Variants in DPP10 observed in about 807,000 individuals in gnomAD.
DPP10 encodes dipeptidyl peptidase like 10.
DPP10 carries 33 observed loss-of-function variants against 120.9 expected under a neutral mutation model. The observed-to-expected ratio is 0.27, with a 90% CI of 0.21 to 0.37. DPP10 has a LOEUF of 0.37. Ranked by LOEUF, DPP10 falls within the 10% of genes least tolerant of loss-of-function variation. The pLI is 1.00. For missense variants in DPP10, 816 were observed against 942.8 expected (o/e 0.87, Z 1.76); for synonymous variants, 337 against 326.1 (o/e 1.03, Z -0.36).
chr2:114,480,492 G>C (rs1680926533), intron 1 of DPP10, among the ~76,000 whole-genome samples: 1 of 152,162 alleles, frequency 6.6e-6, no homozygotes, highest in African/African-American at 2.4e-5. Flanking sequence ...TTAAGAAAAT[G>C]TGACACACAT....
At chr2:114,936,713 G>GTGTAACTTTT (rs1696512847) in intron 1 of DPP10, among the ~76,000 whole-genome samples, 1 of 152,022 alleles carries the variant, frequency 6.6e-6, no homozygotes, top group African/African-American at 2.4e-5. Context: ...CTATTACAGT[G>GTGTAACTTTT]TAGAGGTATT....
chr2:114,843,517 TC>T (rs1688321050), intron 1 of DPP10, among the ~76,000 whole-genome samples: 1 of 152,166 alleles, frequency 6.6e-6, no homozygotes, highest in Admixed American at 6.6e-5. Context: ...TATCCTTCTA[TC>T]TATGGCTTAT....
chr2:114,909,057 T>C (rs1694176646), intron 1 of DPP10, among the ~76,000 whole-genome samples: 1 of 151,888 alleles, frequency 6.6e-6, no homozygotes, highest in South Asian at 2.1e-4. Flanking sequence ...ACTAGGAATA[T>C]ATTTATTCCA....
intron 1 of DPP10, among the ~76,000 whole-genome samples, chr2:115,000,594 T>C (rs190214363): frequency 2.0e-5 from 3 of 152,308 alleles, no homozygotes; most frequent in Admixed American, 1.3e-4. Context: ...ATAAAACCCA[T>C]TTGATCTGTG....
intron 3 of DPP10, chr2:115,440,907 T>C (rs922302898): frequency 1.3e-5 from 2 of 152,186 alleles, no homozygotes; most frequent in African/African-American, 4.8e-5. Flanking sequence ...TTCATTGGGC[T>C]CCTTTGAAAT....
chr2:115,783,560 G>A (rs1387047669), intron 17 of DPP10, among the ~76,000 whole-genome samples: 1 of 152,126 alleles, frequency 6.6e-6, no homozygotes, highest in Admixed American at 6.5e-5. Context: ...CATGCCCGAG[G>A]CAACAAGAAA....
intron 1 of DPP10, among the ~76,000 whole-genome samples, chr2:115,116,412 T>C (rs2049509027): frequency 6.6e-6 from 1 of 152,180 alleles, no homozygotes; most frequent in Non-Finnish European, 1.5e-5. Flanking sequence ...TCTTTATTTA[T>C]AGATGAGAAA....
At chr2:115,156,747 A>G (rs2051941105) in intron 1 of DPP10, among the ~76,000 whole-genome samples, 1 of 152,244 alleles carries the variant, frequency 6.6e-6, no homozygotes, top group Admixed American at 6.5e-5. Context: ...ACCAGATTCA[A>G]AGAAATTTAT....
chr2:115,800,845 G>C (rs1241341070), intron 19 of DPP10, among the ~76,000 whole-genome samples: 1 of 152,170 alleles, frequency 6.6e-6, no homozygotes, highest in Admixed American at 6.5e-5. Flanking sequence ...TAGCCTTGTA[G>C]TATAGTTTGA....
At chr2:114,758,057 T>TC (rs1398316506) in intron 1 of DPP10, among the ~76,000 whole-genome samples, 1 of 152,192 alleles carries the variant, frequency 6.6e-6, no homozygotes, top group Non-Finnish European at 1.5e-5. Flanking sequence ...ACTCCAGAGT[T>TC]CCCGTGGTTC....
At chr2:115,477,960 A>G (rs1574963276) in intron 3 of DPP10, among the ~76,000 whole-genome samples, 1 of 152,140 alleles carries the variant, frequency 6.6e-6, no homozygotes, top group East Asian at 1.9e-4. Flanking sequence ...GGTAGCTGGC[A>G]TCTCACATTG....
intron 3 of DPP10, among the ~76,000 whole-genome samples, chr2:115,376,649 C>G (rs941865186): frequency 1.2e-4 from 18 of 150,970 alleles, no homozygotes; most frequent in African/African-American, 4.1e-4. Flanking sequence ...GCGCTGCACC[C>G]ACTAACTCGT....
chr2:114,578,271 A>G (rs1283469307), intron 1 of DPP10, among the ~76,000 whole-genome samples: 3 of 152,206 alleles, frequency 2.0e-5, no homozygotes, highest in African/African-American at 7.2e-5. Flanking sequence ...ACCTCTGAGA[A>G]TAAAATGAAA....
chr2:115,659,602 CTA>C (rs1165444899), intron 5 of DPP10, among the ~76,000 whole-genome samples: 4 of 152,136 alleles, frequency 2.6e-5, no homozygotes, highest in African/African-American at 9.7e-5. Context: ...TTCCAAATGA[CTA>C]TGAATTTGAT....
intron 1 of DPP10, among the ~76,000 whole-genome samples, chr2:114,996,646 T>C (rs1701103420): frequency 6.6e-6 from 1 of 152,176 alleles, no homozygotes; most frequent in Admixed American, 6.5e-5. Context: ...ATTGGGCAGA[T>C]CCATAGAACA....
chr2:114,865,966 G>T (rs941943675), intron 1 of DPP10, among the ~76,000 whole-genome samples: 8 of 151,932 alleles, frequency 5.3e-5, no homozygotes, highest in African/African-American at 1.9e-4. Flanking sequence ...TACAAAATTA[G>T]CCGGGCGTGG....
chr2:115,709,514 C>A (rs868282955), intron 7 of DPP10, among the ~76,000 whole-genome samples: 110 of 151,852 alleles, frequency 7.2e-4, no homozygotes, highest in African/African-American at 2.6e-3. Flanking sequence ...TATCTTAAAT[C>A]TATTGATATA....
intron 1 of DPP10, among the ~76,000 whole-genome samples, chr2:114,622,367 T>A (rs1438544870): frequency 6.6e-6 from 1 of 151,986 alleles, no homozygotes; most frequent in Non-Finnish European, 1.5e-5. Context: ...CCAACTTATC[T>A]GAATCTGTCC....
chr2:115,212,528 G>A (rs1022749455), intron 1 of DPP10, among the ~76,000 whole-genome samples: 6 of 152,048 alleles, frequency 3.9e-5, no homozygotes, highest in African/African-American at 1.4e-4. Flanking sequence ...CTCTTTTAGC[G>A]TATGAGACAG....
Sources: allele counts gnomAD v4.1 joint callset (sites outside exome capture counted in the v4.1 genomes callset), GRCh38; gene constraint gnomAD v4.1.1; transcripts MANE v1.5; gene names NCBI Gene and HGNC (gene_info 2026-07-23, HGNC 2026-07-21).